Variants in CACNA1C observed in about 807,000 individuals in gnomAD.
The protein encoded by CACNA1C is calcium voltage-gated channel subunit alpha1 C.
CACNA1C carries 30 observed loss-of-function variants against 229.0 expected under a neutral mutation model. The ratio of observed to expected loss-of-function variants is 0.13; its 90% CI spans 0.10 to 0.18. The LOEUF (loss-of-function observed/expected upper bound fraction) is 0.18. CACNA1C is among the 10% of genes least tolerant of loss of function. The pLI is 1.00. For missense variants in CACNA1C, 1,658 were observed against 2,845.0 expected, an observed-to-expected ratio of 0.58 and a Z score of 9.49; for synonymous variants, 1,114 against 1,132.5, an observed-to-expected ratio of 0.98 and a Z score of 0.33.
intron 8 of CACNA1C, among the ~76,000 whole-genome samples, chr12:2,507,249 C>A (rs1238894535): frequency 6.6e-6 from 1 of 152,202 alleles, no homozygotes; most frequent in Non-Finnish European, 1.5e-5. Flanking sequence ...GATAGAACAT[C>A]TGCCAAGGCT....
chr12:2,661,237 G>C (rs932768500), intron 34 of CACNA1C, among the ~76,000 whole-genome samples: 7 of 150,838 alleles, frequency 4.6e-5, no homozygotes, highest in Non-Finnish European at 7.4e-5. Flanking sequence ...ACTCCAGCCT[G>C]GGTGATGAAG....
At chr12:2,680,218 TC>T in intron 42 of CACNA1C, 1 of 597,110 alleles carries the variant, frequency 1.7e-6, no homozygotes, top group East Asian at 2.9e-5. Flanking sequence ...TTTGCCAGCC[TC>T]CCGGAGAGGG....
Position 2,549,878 on chromosome 12 carries a change from TG to T in CACNA1C, c.1391-64del, listed in dbSNP as rs34277236. 0.24 allele frequency: 288,469 copies of T among 1,198,370 alleles called. 36,495 individuals are homozygous for T. The highest frequency in any genetic ancestry group is 0.43 in the African/African-American group (28,577 of 66,430). The allele number at this position is 1,198,370 out of a possible 1,614,324, so 74.2% of individuals were successfully genotyped here. On this transcript the variant is annotated intron_variant, in intron 9 of 46. Coordinates refer to ENST00000399655, the MANE Select transcript of CACNA1C (RefSeq NM_000719.7). ...TTGCGGTGGGCGTGTTGCAAACTAC[TG>T]CTCTTCTGTTCCCTTGTCTCCCCAC...
chr12:2,014,111 C>T (rs900880649), intron 1 of CACNA1C, among the ~76,000 whole-genome samples: 3 of 152,106 alleles, frequency 2.0e-5, no homozygotes, highest in Non-Finnish European at 4.4e-5. Flanking sequence ...GGACTGCAGC[C>T]AGCCAGGCCC....
chr12:2,080,966 G>A (rs4765888), intron 1 of CACNA1C, among the ~76,000 whole-genome samples: 115,600 of 152,108 alleles, frequency 0.76, 44,314 homozygotes, highest in Middle Eastern at 0.83. Flanking sequence ...TTACTTTAAA[G>A]GATAATGCCA....
chr12:2,559,044 T>C (rs2046122281), intron 11 of CACNA1C, among the ~76,000 whole-genome samples: 1 of 152,142 alleles, frequency 6.6e-6, no homozygotes, highest in African/African-American at 2.4e-5. Flanking sequence ...TAATAAATAT[T>C]TGCTGGGTGA....
intron 3 of CACNA1C, among the ~76,000 whole-genome samples, chr12:2,255,545 A>C (rs2077122872): frequency 1.3e-5 from 2 of 152,248 alleles, no homozygotes; most frequent in East Asian, 3.9e-4. Context: ...CTCTTCAATT[A>C]GAACTCTGAG....
At chr12:2,641,575 G>A (rs1328555246) in intron 30 of CACNA1C, 6 of 594,044 alleles carry the variant, frequency 1.0e-5, no homozygotes, top group South Asian at 6.0e-5. Context: ...TCCCACTTTC[G>A]GCAACAGCCC....
intron 3 of CACNA1C, among the ~76,000 whole-genome samples, chr12:2,424,051 C>A (rs1177874368): frequency 6.6e-6 from 1 of 151,936 alleles, no homozygotes; most frequent in South Asian, 2.1e-4. Context: ...AACCCGCGCA[C>A]ATTATGTGGT....
At chr12:2,658,228 C>A (rs16929840) in intron 34 of CACNA1C, among the ~76,000 whole-genome samples, 6,682 of 152,200 alleles carry the variant, frequency 0.044, 466 homozygotes, top group African/African-American at 0.15. Flanking sequence ...ACAAATTCTA[C>A]AACTGCCCCT....
rs958297751 is a variant in CACNA1C, at chr12:2,325,923, C to T, written c.478-123053C>T. ...TCGCCACCAGCCGCTACTGTGTGTG[C>T]GAGCTCAACTGGCTTTTCCCAAGGG... On this transcript the variant is annotated intron_variant, in intron 3 of 46. Transcript: ENST00000399655. Among the ~76,000 whole-genome samples, 11 of 152,212 alleles carry T rather than the reference C, an allele frequency of 7.2e-5. No individual in the cohort carries two copies. The South Asian group carries it at 1.0e-3, about 14-fold the overall frequency.
In CACNA1C at chr12:2,679,741, C is replaced by T. The variant is rs776443164; in HGVS notation, c.5389C>T (p.Pro1797Ser). Residue 1797 changes from proline to serine, a missense_variant, in exon 42 of 47, where the codon CCC becomes TCC. Around this residue, in one of 20 missense-constraint regions of CACNA1C, gnomAD observed 590 missense variants for 700.8 expected, o/e 0.84. Coordinates refer to ENST00000399655, the MANE Select transcript of CACNA1C (RefSeq NM_000719.7). This position sits in a 1 kb window ranked among gnomAD's most constrained non-coding sequence, Gnocchi z 5.5. The stretch of plus-strand genomic sequence containing the variant: ...CAGCACTGTGGAGGGCCACGGGCCC[C>T]CCTTGTCCCCTGCCATCCGGGTGCA... ...TVSTVEGHGPPLSPAIRVQEV... is the reference protein window; with the variant it reads ...TVSTVEGHGPSLSPAIRVQEV... 1.2e-6 allele frequency: 2 copies of T among 1,600,354 alleles called. No homozygotes were observed. The highest frequency in any genetic ancestry group is 4.5e-5 in the East Asian group (2 of 44,110).
At chr12:2,270,748 C>A (rs2154418306) in intron 3 of CACNA1C, among the ~76,000 whole-genome samples, 1 of 152,332 alleles carries the variant, frequency 6.6e-6, no homozygotes, top group African/African-American at 2.4e-5. Context: ...AATGTCACCT[C>A]CATCCTGATG....
chr12:2,541,489 A>G (rs905497426), intron 9 of CACNA1C, among the ~76,000 whole-genome samples: 3 of 152,216 alleles, frequency 2.0e-5, no homozygotes, highest in African/African-American at 7.2e-5. Flanking sequence ...ACTGGATCCC[A>G]GCAGACTGGT....
At chr12:2,091,466 C>T (rs1239423917) in intron 1 of CACNA1C, among the ~76,000 whole-genome samples, 1 of 152,186 alleles carries the variant, frequency 6.6e-6, no homozygotes, top group Admixed American at 6.5e-5. Flanking sequence ...AGACTGTTTC[C>T]TTACCTTTTC....
chr12:2,569,345 A>T (rs1469814637), intron 13 of CACNA1C, among the ~76,000 whole-genome samples: 1 of 152,206 alleles, frequency 6.6e-6, no homozygotes, highest in African/African-American at 2.4e-5. Flanking sequence ...TTTACCCCTT[A>T]CAATGTGTAA....
chr12:1,988,852 G>T (rs1400274402), intron 1 of CACNA1C, among the ~76,000 whole-genome samples: 1 of 152,112 alleles, frequency 6.6e-6, no homozygotes, highest in African/African-American at 2.4e-5. Context: ...GTTAATCAAG[G>T]ATTTAAACTG....
intron 10 of CACNA1C, among the ~76,000 whole-genome samples, chr12:2,555,430 A>G (rs1359349251): frequency 6.6e-6 from 1 of 152,242 alleles, no homozygotes; most frequent in African/African-American, 2.4e-5. Context: ...ACTTGAGCTT[A>G]TGGTTAACAG....
At chr12:2,360,068 C>T (rs1173485808) in intron 3 of CACNA1C, among the ~76,000 whole-genome samples, 3 of 151,852 alleles carry the variant, frequency 2.0e-5, no homozygotes, top group Admixed American at 1.3e-4. Flanking sequence ...AATACAATTT[C>T]GTGGGCCCTA....
Sources: allele counts gnomAD v4.1 joint callset (sites outside exome capture counted in the v4.1 genomes callset), GRCh38; gene constraint gnomAD v4.1.1; regional missense constraint gnomAD v4.1.1; non-coding constraint Gnocchi (gnomAD v3.1); transcripts MANE v1.5; gene names NCBI Gene and HGNC (gene_info 2026-07-23, HGNC 2026-07-21).